Variants in LINGO2 observed in about 807,000 individuals in gnomAD.
LINGO2 encodes leucine-rich repeat and immunoglobulin-like domain-containing nogo receptor-interacting protein 2.
A neutral mutation model predicts 30.6 loss-of-function variants in LINGO2; 14 were observed. The observed-to-expected ratio is 0.46, with a 90% CI of 0.30 to 0.72. LINGO2 has a LOEUF of 0.72. LINGO2 is among the 30% of genes least tolerant of loss of function. The pLI, the probability that LINGO2 is intolerant of heterozygous loss-of-function variation, is 0.07. For synonymous variants in LINGO2, 317 were observed against 288.5 expected (o/e 1.10, Z -1.00); for missense variants, 729 against 751.7 (o/e 0.97, Z 0.35).
At chr9:29,088,805 G>A in the LINGO2 span, among the ~76,000 whole-genome samples, 2 of 152,084 alleles carry the variant, frequency 1.3e-5, no homozygotes, top group African/African-American at 4.8e-5. Flanking sequence ...ATAGGAGAAA[G>A]ACTCATGGAA....
At chr9:29,170,879 A>G in the LINGO2 span, among the ~76,000 whole-genome samples, 1 of 152,200 alleles carries the variant, frequency 6.6e-6, no homozygotes. Context: ...ATTAAATTCA[A>G]ATGATTAACA....
chr9:28,934,028 T>C, the LINGO2 span, among the ~76,000 whole-genome samples: 5 of 152,292 alleles, frequency 3.3e-5, no homozygotes, highest in Non-Finnish European at 5.9e-5. Flanking sequence ...TGGAGGGACA[T>C]AAGGTATAGG....
the LINGO2 span, among the ~76,000 whole-genome samples, chr9:28,937,310 G>A: frequency 6.6e-6 from 1 of 152,124 alleles, no homozygotes; most frequent in Non-Finnish European, 1.5e-5. Flanking sequence ...TTTGAAATTT[G>A]TTTGTGAATA....
chr9:28,031,880 T>C (rs1823693205), intron 4 of LINGO2, among the ~76,000 whole-genome samples: 1 of 152,196 alleles, frequency 6.6e-6, no homozygotes, highest in South Asian at 2.1e-4. Context: ...TTCACCATGA[T>C]GCTCCAAATC....
At chr9:28,723,491 C>A in the LINGO2 span, among the ~76,000 whole-genome samples, 1 of 152,170 alleles carries the variant, frequency 6.6e-6, no homozygotes, top group Non-Finnish European at 1.5e-5. Context: ...TTGAAAGGCC[C>A]AACCTATCCC....
Position 28,355,374 on chromosome 9 carries a change from T to C in LINGO2, c.-246+17462A>G, listed in dbSNP as rs1195884840. On this transcript the variant is annotated intron_variant, in intron 3 of 5. Coordinates refer to ENST00000379992, the Ensembl canonical transcript of LINGO2. ...CTCTCTCCCTCCCTCTGTGTGTGTG[T>C]GTGTGTGTGTGTGTGTGTGTGTGTG... Among the ~76,000 whole-genome samples the C allele has an allele frequency of 1.8e-3, 170 of 93,318 alleles. 1 individual carries two copies. The highest frequency in any genetic ancestry group is 6.4e-3 in the African/African-American group (158 of 24,540). 61.2% of individuals were successfully genotyped at this position (93,318 alleles called of 152,430 possible). A position where few individuals can be genotyped will look rare whatever the true frequency, so the allele number is the denominator to read the frequency against.
intron 4 of LINGO2, among the ~76,000 whole-genome samples, chr9:28,046,481 T>C (rs1824426358): frequency 6.6e-6 from 1 of 152,206 alleles, no homozygotes; most frequent in South Asian, 2.1e-4. Flanking sequence ...TTTAAGAACC[T>C]ATAATTTAAG....
At chr9:29,203,485 T>C in the LINGO2 span, among the ~76,000 whole-genome samples, 42 of 152,326 alleles carry the variant, frequency 2.8e-4, no homozygotes, top group African/African-American at 9.4e-4. Flanking sequence ...TTATGACCCA[T>C]GTATCTTATT....
intron 4 of LINGO2, among the ~76,000 whole-genome samples, chr9:28,185,357 A>G (rs531539027): frequency 6.6e-6 from 1 of 151,662 alleles, no homozygotes; most frequent in South Asian, 2.1e-4. Flanking sequence ...AAATACCATA[A>G]CACTATGTTA....
intron 1 of LINGO2, among the ~76,000 whole-genome samples, chr9:28,578,109 T>C (rs191043654): frequency 6.6e-6 from 1 of 152,266 alleles, no homozygotes; most frequent in East Asian, 1.9e-4. Context: ...TATAATGAGA[T>C]ATTAATGGAA....
At chr9:28,666,667 T>TG (rs1828812171) in intron 1 of LINGO2, among the ~76,000 whole-genome samples, 1 of 152,150 alleles carries the variant, frequency 6.6e-6, no homozygotes, top group South Asian at 2.1e-4. Context: ...GAGCAGTACT[T>TG]TTATCCTTTT....
chr9:27,947,166 G>T (rs1038110089), downstream of LINGO2, among the ~76,000 whole-genome samples: 3 of 152,134 alleles, frequency 2.0e-5, no homozygotes, highest in Non-Finnish European at 4.4e-5. Flanking sequence ...ATTTGACATT[G>T]CATGAACACA....
At chr9:28,612,228 A>T (rs570543703) in intron 1 of LINGO2, among the ~76,000 whole-genome samples, 207 of 152,038 alleles carry the variant, frequency 1.4e-3, no homozygotes, top group Non-Finnish European at 2.4e-3. Flanking sequence ...AGTCCAGCTA[A>T]TTTTTTTGTT....
chr9:28,055,210 T>TTA lies in LINGO2; in HGVS notation c.-86-42806_-86-42805insTA, dbSNP rs1192062546. 2.0e-5 allele frequency among the ~76,000 whole-genome samples: 3 copies of TTA among 152,184 alleles called. No individual in the cohort carries two copies. In the East Asian group the frequency reaches 5.8e-4, roughly 29 times the overall value. On this transcript the variant is annotated intron_variant, in intron 4 of 5. Transcript: ENST00000379992. ...ATTTTTTAAGTTTCTGCAGACAATT[T>TTA]CTTATGAACGTGAAAATAACTTACG...
chr9:28,683,438 G>T, the LINGO2 span, among the ~76,000 whole-genome samples: 1 of 151,688 alleles, frequency 6.6e-6, no homozygotes, highest in African/African-American at 2.4e-5. Context: ...TCACAATTTG[G>T]CACAAATATC....
chr9:28,486,071 C>T (rs904381876), intron 1 of LINGO2, among the ~76,000 whole-genome samples: 39 of 151,968 alleles, frequency 2.6e-4, no homozygotes, highest in African/African-American at 9.2e-4. Flanking sequence ...CACATACTCT[C>T]GGAATTAATT....
chr9:28,808,560 T>C, the LINGO2 span, among the ~76,000 whole-genome samples: 18 of 152,198 alleles, frequency 1.2e-4, no homozygotes, highest in Non-Finnish European at 2.4e-4. Flanking sequence ...TCACTGGACT[T>C]ACAATTTTAT....
the LINGO2 span, among the ~76,000 whole-genome samples, chr9:28,955,861 T>C: frequency 7.2e-5 from 11 of 152,002 alleles, no homozygotes; most frequent in Admixed American, 7.2e-4. Flanking sequence ...TAGGCTGGTC[T>C]CAAACTCCTG....
chr9:28,497,912 C>G (rs1819707010), intron 1 of LINGO2, among the ~76,000 whole-genome samples: 1 of 152,318 alleles, frequency 6.6e-6, no homozygotes, highest in East Asian at 1.9e-4. Flanking sequence ...CTGGAGTTTG[C>G]TGGAGGTCCA....
Sources: gnomAD v4.1 joint callset for allele counts (sites outside exome capture counted in the v4.1 genomes callset) on GRCh38, gnomAD v4.1.1 for gene constraint, MANE v1.5 for transcripts, NCBI Gene and HGNC (gene_info 2026-07-23, HGNC 2026-07-21) for gene names.